Variants in TECPR1 observed in about 807,000 individuals in gnomAD.
TECPR1 encodes tectonin beta-propeller repeat containing 1.
Under a neutral mutation model 162.4 loss-of-function variants are expected in TECPR1, and 122 were observed. The ratio of observed to expected loss-of-function variants is 0.75; its 90% confidence interval spans 0.65 to 0.87. The LOEUF (loss-of-function observed/expected upper bound fraction) is 0.87. TECPR1 is among the 40% of genes least tolerant of loss of function. The probability of loss-of-function intolerance (pLI) is 0.00; values close to 1 mark genes in which losing one functional copy is unlikely to be tolerated. For synonymous variants in TECPR1, 642 were observed against 670.6 expected (o/e 0.96, Z 0.66); for missense variants, 1,432 against 1,618.2 (o/e 0.88, Z 1.97).
chr7:98,224,448 G>A (rs1016239394), intron 19 of TECPR1, among the ~76,000 whole-genome samples: 1 of 152,184 alleles, frequency 6.6e-6, no homozygotes, highest in Non-Finnish European at 1.5e-5. Flanking sequence ...GAGGCCACTC[G>A]CCCTCCTCAA....
In TECPR1 at chr7:98,223,577, C is replaced by T. The variant is rs918234016; in HGVS notation, c.2747+85G>A. The stretch of plus-strand genomic sequence containing the variant: ...TGAGGTCAGAGGCCAGGAGATCTGG[C>T]CCGGGGTGCAGGGAACCAGAGCTCC... On this transcript the variant is annotated intron_variant, in intron 20 of 25. Coordinates refer to ENST00000447648, the MANE Select transcript of TECPR1 (RefSeq NM_015395.3). 24 of 1,463,246 alleles carry T rather than the reference C, an allele frequency of 1.6e-5. No individual in the cohort carries two copies. In the African/African-American group the frequency reaches 3.4e-4, roughly 20 times the overall value. 90.6% of individuals were successfully genotyped at this position (1,463,246 alleles called of 1,614,324 possible). A position where few individuals can be genotyped will look rare whatever the true frequency, so the allele number is the denominator to read the frequency against.
In TECPR1 at chr7:98,215,894, A is replaced by AG. The variant is rs1422675362; in HGVS notation, c.*1495dup. The AG allele has an allele frequency of 6.6e-6, 1 of 152,224 alleles. No homozygotes were observed. Among genetic ancestry groups the AG allele is most frequent in the Admixed American group, 6.5e-5 (1 of 15,284 alleles). 9.4% of individuals were successfully genotyped at this position (152,224 alleles called of 1,614,324 possible). On this transcript the variant is annotated 3_prime_UTR_variant, in exon 26 of 26. Transcript: ENST00000447648. ...CTCAGATGCCCGCGGGAGGGGCCCC[A>AG]GGGAGGCCTTTCTCAGCATCAGCTT... is the stretch of plus-strand genomic sequence containing the variant.
In TECPR1 at chr7:98,231,859, T is replaced by C; in HGVS notation, c.1919A>G (p.Asp640Gly). Residue 640 changes from aspartate (D) to glycine (G), a missense_variant, in exon 13 of 26, where the codon GAC becomes GGC. Asp to Gly is a moderately conservative substitution (Grantham distance 94, BLOSUM62 -1). Coordinates refer to ENST00000447648, the MANE Select transcript of TECPR1 (RefSeq NM_015395.3). ...RLALEQFTGH[D>G]GVRDSILFIY... Reference sequence around the variant, plus strand: ...GAAGAGGATGCTGTCCCGGACGCCGTCGTGCCCCGTGAACTGCTCCAGGGC... The same window carrying C: ...GAAGAGGATGCTGTCCCGGACGCCGCCGTGCCCCGTGAACTGCTCCAGGGC... The C allele has an allele frequency of 6.2e-7, 1 of 1,612,784 alleles. No homozygotes were observed. Among genetic ancestry groups the C allele is most frequent in the Non-Finnish European group, 8.5e-7 (1 of 1,179,810 alleles).
At chr7:98,221,502 A>AGC (rs973277399) in intron 23 of TECPR1, among the ~76,000 whole-genome samples, 159 bp downstream of exon 23, 16 of 148,868 alleles carry the variant, frequency 1.1e-4, no homozygotes, top group African/African-American at 3.7e-4. Context: ...TTTTTGAGAT[A>AGC]GAGTCTCACT....
intron 17 of TECPR1, among the ~76,000 whole-genome samples, chr7:98,227,622 A>T (rs1798311987): frequency 6.6e-6 from 1 of 151,930 alleles, no homozygotes; most frequent in Non-Finnish European, 1.5e-5. Context: ...AGAGTTCAAG[A>T]CCAGTCTGGC....
In TECPR1 at chr7:98,236,912, T is replaced by C. The variant is rs569664868; in HGVS notation, c.1045A>G (p.Ile349Val). 128 of 1,560,684 alleles carry C rather than the reference T, an allele frequency of 8.2e-5. No individual in the cohort carries two copies. The East Asian group carries it at 2.8e-3, about 34-fold the overall frequency. ...NVGMNDQVWG[I>V]GCEDRAVYFR... ...TACACGGCTCGGTCCTCACAGCCAA[T>C]GCCCCACACCTGGAAGAGAGAGGCT... The change falls in exon 10 of 26, where the codon ATT becomes GTT. Residue 349 changes from isoleucine (I) to valine (V), a missense_variant. Ile to Val is a conservative substitution (Grantham distance 29). Transcript: ENST00000447648.
chr7:98,237,917 T>C (rs1324168975), intron 9 of TECPR1, among the ~76,000 whole-genome samples: 2 of 151,782 alleles, frequency 1.3e-5, no homozygotes, highest in South Asian at 2.1e-4. Context: ...GGACTACAGG[T>C]GCACACCACC....
Position 98,241,173 on chromosome 7 carries a change from C to T in TECPR1, c.729G>A (p.Gly243=). The T allele has an allele frequency of 2.5e-6, 4 of 1,612,908 alleles. No individual in the cohort carries two copies. Among genetic ancestry groups the T allele is most frequent in the Non-Finnish European group, 3.4e-6 (4 of 1,179,848 alleles). Reference sequence around the variant, plus strand: ...GCCCACAGCTGATCTGAACCACCTCCCCGGGGGTGTCCAGCAGGGACCAGG... The same window carrying T: ...GCCCACAGCTGATCTGAACCACCTCTCCGGGGGTGTCCAGCAGGGACCAGG... ...GSSWSLLDTP[G]EVVQISCGPH... The change falls in exon 7 of 26, where the codon GGG becomes GGA. Residue 243 remains glycine (G), a synonymous_variant. Transcript: ENST00000447648. The surrounding 1 kb of genome is among the most constrained non-coding windows in gnomAD (Gnocchi z 5.0).
At position 98,231,317 on chromosome 7, in the gene TECPR1, G is replaced by C; in HGVS notation, c.2031C>G (p.Thr677=). The C allele has an allele frequency of 6.2e-7, 1 of 1,611,930 alleles. No homozygotes were observed. Among genetic ancestry groups the C allele is most frequent in the South Asian group, 1.1e-5 (1 of 90,698 alleles). Residue 677 remains threonine, a synonymous_variant, in exon 14 of 26, where the codon ACC becomes ACG. Coordinates refer to ENST00000447648, the MANE Select transcript of TECPR1 (RefSeq NM_015395.3). The part of the protein sequence containing the change: ...VVALVPVLNE[T]KHSFALYTPE... ...GGGTGTACAGGGCAAAGGAGTGCTT[G>C]GTCTCGTTCAGCACTGGGACCAGCG...
At position 98,217,263 on chromosome 7, in the gene TECPR1, G is replaced by A; in HGVS notation, c.*127C>T. ...GCCTCTGAAGTGGCCGCAGCCTTGG[G>A]GCCAGGTTCCCTCCTGAGTCCACCT... is the stretch of plus-strand genomic sequence containing the variant. On this transcript the variant is annotated 3_prime_UTR_variant, in exon 26 of 26. Transcript: ENST00000447648. The A allele has an allele frequency of 4.5e-6, 3 of 668,500 alleles. No individual in the cohort carries two copies. The highest frequency in any genetic ancestry group is 3.0e-5 in the Admixed American group (1 of 33,580). The allele number at this position is 668,500 out of a possible 1,614,324, so 41.4% of individuals were successfully genotyped here.
chr7:98,246,289 T>TG, intron 2 of TECPR1, 124 bp from the exon 3 acceptor site: 1 of 616,122 alleles, frequency 1.6e-6, no homozygotes, highest in Non-Finnish European at 2.7e-6. Flanking sequence ...TTTTTTTAGA[T>TG]GGAGTCTCAC....
Position 98,221,736 on chromosome 7 carries a change from T to G in TECPR1, c.3082A>C (p.Ile1028Leu). ...AGCCTCTGTCTCGGTGGGGACGGGA[T>G]GTGGTACCAGCAGTCACCTGCGAAG... is the stretch of plus-strand genomic sequence containing the variant. ...SQPAGDCWYH[I>L]PSPPRQRLKQ... Residue 1028 changes from isoleucine to leucine, a missense_variant, in exon 23 of 26, where the codon ATC (isoleucine) becomes CTC (leucine). By Grantham distance (5) the Ile-to-Leu change is conservative. Transcript: ENST00000447648. 6.2e-7 allele frequency: 1 copy of G among 1,613,272 alleles called. No individual in the cohort carries two copies. The highest frequency in any genetic ancestry group is 8.5e-7 in the Non-Finnish European group (1 of 1,179,742).
chr7:98,226,649 C>T (rs1333555679), intron 17 of TECPR1: 17 of 1,076,312 alleles, frequency 1.6e-5, no homozygotes, highest in South Asian at 9.3e-5. Context: ...AAGTGGAGGC[C>T]GGGCGCAGTG....
chr7:98,228,204 A>G (rs1305090667), intron 16 of TECPR1, 88 bp from the exon 17 acceptor site: 6 of 1,074,568 alleles, frequency 5.6e-6, no homozygotes, highest in Middle Eastern at 5.4e-4. Context: ...ATTCCCAGAG[A>G]GACGGGGAGG....
At chr7:98,228,157 C>T in intron 16 of TECPR1, 41 bp from the exon 17 acceptor site, 2 of 1,479,430 alleles carry the variant, frequency 1.4e-6, no homozygotes, top group Non-Finnish European at 1.9e-6. Context: ...GCCACATACG[C>T]TCCGCTTGGG....
chr7:98,223,253 AG>A, intron 20 of TECPR1, 83 bp from the exon 21 acceptor site: 1 of 1,405,498 alleles, frequency 7.1e-7, no homozygotes, highest in East Asian at 2.5e-5. Context: ...AGCCAGGAGG[AG>A]GAAAGCAGCC....
chr7:98,245,749 C>T (rs747410446), intron 3 of TECPR1, among the ~76,000 whole-genome samples, 173 bp downstream of exon 3: 1 of 152,218 alleles, frequency 6.6e-6, no homozygotes, highest in Non-Finnish European at 1.5e-5. Flanking sequence ...GCTGGGATTA[C>T]AGGCGTGAGT....
intron 17 of TECPR1, chr7:98,226,756 AAATCCT>A: frequency 1.3e-6 from 1 of 797,662 alleles, no homozygotes; most frequent in Non-Finnish European, 1.8e-6. Flanking sequence ...CAACATGGTG[AAATCCT>A]GTCTCTACTA....
chr7:98,221,510 A>G (rs28566958), intron 23 of TECPR1, 151 bp downstream of exon 23: 260,459 of 600,238 alleles, frequency 0.43, 59,968 homozygotes, highest in East Asian at 0.72. Context: ...ATAGAGTCTC[A>G]CTGTGTCATG....
Sources: gnomAD v4.1 joint callset for allele counts (sites outside exome capture counted in the v4.1 genomes callset) on GRCh38, gnomAD v4.1.1 for gene constraint, Gnocchi (gnomAD v3.1) non-coding constraint, MANE v1.5 for transcripts, NCBI Gene and HGNC (gene_info 2026-07-23, HGNC 2026-07-21) for gene names.